Variants in KCNH1 observed in about 807,000 individuals in gnomAD.
KCNH1 encodes potassium voltage-gated channel subfamily H member 1, also known as voltage-gated delayed rectifier potassium channel KCNH1.
In KCNH1, 27 loss-of-function variants were observed where a neutral mutation model predicts 69.2. That is an observed-to-expected ratio of 0.39 (90% CI 0.29 to 0.54). The LOEUF (loss-of-function observed/expected upper bound fraction) is 0.54. Ranked by LOEUF, KCNH1 falls within the 20% of genes least tolerant of loss-of-function variation. The pLI, the probability that KCNH1 is intolerant of heterozygous loss-of-function variation, is 0.68. For synonymous variants in KCNH1, 456 were observed against 487.7 expected (o/e 0.93, Z 0.86); for missense variants, 798 against 1,261.6 (o/e 0.63, Z 5.57).
intron 7 of KCNH1, chr1:210,862,096 A>G: frequency 1.0e-6 from 1 of 960,156 alleles, no homozygotes; most frequent in Non-Finnish European, 1.7e-6. Flanking sequence ...ATACTGTGTT[A>G]TATTTTTCAA....
At chr1:211,030,302 T>C (rs1689759024) in intron 5 of KCNH1, among the ~76,000 whole-genome samples, 1 of 152,220 alleles carries the variant, frequency 6.6e-6, no homozygotes, top group Non-Finnish European at 1.5e-5. Flanking sequence ...ATATCAATTA[T>C]ACTTCAATAA....
chr1:210,976,134 C>T (rs1405121721), intron 6 of KCNH1, among the ~76,000 whole-genome samples: 1 of 151,938 alleles, frequency 6.6e-6, no homozygotes, highest in Non-Finnish European at 1.5e-5. Flanking sequence ...GAAATAGGAA[C>T]ATTTTACACT....
At chr1:211,056,840 C>T (rs971572303) in intron 5 of KCNH1, among the ~76,000 whole-genome samples, 1 of 152,212 alleles carries the variant, frequency 6.6e-6, no homozygotes, top group Non-Finnish European at 1.5e-5. Flanking sequence ...TGGGGTGTGC[C>T]CTTATGCAGG....
chr1:210,733,052 C>G (rs1226901383), intron 10 of KCNH1, among the ~76,000 whole-genome samples: 1 of 152,192 alleles, frequency 6.6e-6, no homozygotes, highest in South Asian at 2.1e-4. Context: ...TTAAAAGAAA[C>G]AGACCCCTTT....
At chr1:210,838,416 C>T (rs1040244505) in intron 7 of KCNH1, among the ~76,000 whole-genome samples, 3 of 151,950 alleles carry the variant, frequency 2.0e-5, no homozygotes, top group African/African-American at 7.2e-5. Context: ...TAAAAATCAA[C>T]TAAAGATGGA....
At chr1:211,046,297 A>G (rs1558581299) in intron 5 of KCNH1, among the ~76,000 whole-genome samples, 1 of 152,190 alleles carries the variant, frequency 6.6e-6, no homozygotes, top group Non-Finnish European at 1.5e-5. Context: ...TATAGACAAG[A>G]ACGGATATGT....
Position 210,810,977 on chromosome 1 carries a change from A to G in KCNH1, c.1463-6811T>C, listed in dbSNP as rs531425354. 6.4e-4 allele frequency among the ~76,000 whole-genome samples: 97 copies of G among 152,328 alleles called. 1 individual carries two copies. Among genetic ancestry groups the G allele is most frequent in the Non-Finnish European group, 6.3e-4 (43 of 68,016 alleles). ...GGCTAGAGTTTGTGTTGAAGAATCCATGATGCTACCAACTTTAGGACTGTC... is the reference window on the plus strand; with the variant it reads ...GGCTAGAGTTTGTGTTGAAGAATCCGTGATGCTACCAACTTTAGGACTGTC... On this transcript the variant is annotated intron_variant, in intron 7 of 10. Coordinates refer to ENST00000271751, the MANE Select transcript of KCNH1 (RefSeq NM_172362.3).
At chr1:210,916,378 A>G (rs537753336) in intron 7 of KCNH1, among the ~76,000 whole-genome samples, 1 of 152,226 alleles carries the variant, frequency 6.6e-6, no homozygotes. Context: ...CTGAAAAATG[A>G]CTTGTTTCCT....
At chr1:211,001,690 T>C (rs558228358) in intron 6 of KCNH1, among the ~76,000 whole-genome samples, 1 of 152,324 alleles carries the variant, frequency 6.6e-6, no homozygotes, top group South Asian at 2.1e-4. Flanking sequence ...TTATAAATCA[T>C]GCTGCTATAA....
At chr1:211,009,651 C>G (rs535446353) in intron 6 of KCNH1, among the ~76,000 whole-genome samples, 7 of 151,976 alleles carry the variant, frequency 4.6e-5, no homozygotes, top group Admixed American at 3.3e-4. Flanking sequence ...CTCTGTCACC[C>G]AGGCTGGAGT....
chr1:211,053,588 G>T (rs1273667236), intron 5 of KCNH1, among the ~76,000 whole-genome samples: 1 of 152,176 alleles, frequency 6.6e-6, no homozygotes, highest in African/African-American at 2.4e-5. Context: ...AGGGTTATCT[G>T]TAAAAAATCA....
chr1:211,054,408 A>G (rs769126529), intron 5 of KCNH1, among the ~76,000 whole-genome samples: 3 of 152,194 alleles, frequency 2.0e-5, no homozygotes, highest in African/African-American at 7.2e-5. Flanking sequence ...GAAAAGACTA[A>G]AAGAATTTAT....
intron 7 of KCNH1, among the ~76,000 whole-genome samples, chr1:210,813,149 A>C (rs1363358683): frequency 6.6e-6 from 1 of 152,202 alleles, no homozygotes; most frequent in South Asian, 2.1e-4. Flanking sequence ...GTCAACTATC[A>C]TGACAGTTGA....
chr1:211,096,641 A>G (rs953457470), intron 3 of KCNH1, among the ~76,000 whole-genome samples: 2 of 152,178 alleles, frequency 1.3e-5, no homozygotes, highest in Non-Finnish European at 2.9e-5. Flanking sequence ...GGAGAGTTGA[A>G]TTGTTTGTAG....
rs1423353075 is a variant in KCNH1, at chr1:211,000,988, C to A, written c.1032+17795G>T. Among the ~76,000 whole-genome samples the A allele has an allele frequency of 1.3e-5, 2 of 151,936 alleles. 1 individual carries two copies. Among genetic ancestry groups the A allele is most frequent in the Non-Finnish European group, 2.9e-5 (2 of 67,988 alleles). On this transcript the variant is annotated intron_variant, in intron 6 of 10. Transcript: ENST00000271751. Reference sequence around the variant, plus strand: ...TAGAAAGCTGAAACTGGATCCCTTCCTTATACCTTATATGAACATTAATTC... The same window carrying A: ...TAGAAAGCTGAAACTGGATCCCTTCATTATACCTTATATGAACATTAATTC...
At position 211,000,478 on chromosome 1, in the gene KCNH1, G is replaced by A. The variant is rs962706560; in HGVS notation, c.1032+18305C>T. On this transcript the variant is annotated intron_variant, in intron 6 of 10. Transcript: ENST00000271751. ...CAGGGATGTGAAGGACCTCTTCAAG[G>A]AGAACTACAAACCACTGCTCAATGA... Among the ~76,000 whole-genome samples, 8 of 152,230 alleles carry A rather than the reference G, an allele frequency of 5.3e-5. 1 individual carries two copies. The South Asian group carries it at 1.0e-3, about 20-fold the overall frequency.
chr1:210,941,445 G>C (rs1180320696), intron 6 of KCNH1, among the ~76,000 whole-genome samples: 1 of 152,170 alleles, frequency 6.6e-6, no homozygotes, highest in Non-Finnish European at 1.5e-5. Context: ...TGGTTTAGAT[G>C]TGCAAAAGGT....
At chr1:211,026,396 C>A (rs78653792) in intron 5 of KCNH1, among the ~76,000 whole-genome samples, 6,767 of 118,532 alleles carry the variant, frequency 0.057, 296 homozygotes, top group East Asian at 0.16. Flanking sequence ...AAAAAAAAAA[C>A]AACCACAACA....
intron 6 of KCNH1, among the ~76,000 whole-genome samples, chr1:211,007,575 G>GT (rs1268723933): frequency 1.3e-5 from 2 of 152,134 alleles, no homozygotes; most frequent in African/African-American, 2.4e-5. Context: ...CTCAACAGGT[G>GT]TTTTTTGCTT....
Sources: allele counts gnomAD v4.1 joint callset (sites outside exome capture counted in the v4.1 genomes callset), GRCh38; gene constraint gnomAD v4.1.1; transcripts MANE v1.5; gene names NCBI Gene and HGNC (gene_info 2026-07-23, HGNC 2026-07-21).